Variants in SORD observed in about 807,000 individuals in gnomAD.
The protein encoded by SORD is sorbitol dehydrogenase, also known as (R,R)-butanediol dehydrogenase.
In SORD, 18 loss-of-function variants were observed where a neutral mutation model predicts 35.6. The ratio of observed to expected loss-of-function variants is 0.51; its 90% CI spans 0.35 to 0.75. The LOEUF (loss-of-function observed/expected upper bound fraction) is 0.75. Ranked by LOEUF, SORD falls within the 30% of genes least tolerant of loss-of-function variation. SORD has a pLI of 0.01. For missense variants in SORD, 250 were observed against 390.2 expected, an observed-to-expected ratio of 0.64 and a Z score of 3.03; for synonymous variants, 106 against 152.9, an observed-to-expected ratio of 0.69 and a Z score of 2.26.
intron 7 of SORD, chr15:45,070,719 G>A: frequency 6.6e-6 from 1 of 152,266 alleles, no homozygotes; most frequent in Non-Finnish European, 1.5e-5. Context: ...TAAGACATGA[G>A]TAGGTTGCAT....
At chr15:45,059,318 G>C (rs1271184757) in intron 3 of SORD, among the ~76,000 whole-genome samples, 1 of 151,502 alleles carries the variant, frequency 6.6e-6, no homozygotes, top group East Asian at 1.9e-4. Flanking sequence ...GTGACAGAGT[G>C]AGATCCTGTC....
chr15:45,068,135 G>C, intron 5 of SORD, 46 bp from the exon 6 acceptor site: 1 of 1,443,596 alleles, frequency 6.9e-7, no homozygotes, highest in Non-Finnish European at 9.8e-7. Flanking sequence ...TGGGAGAGCA[G>C]ATGTTTAATA....
At position 45,023,323 on chromosome 15, in the gene SORD, G is replaced by A. The variant is rs1377160960; in HGVS notation, c.40G>A (p.Val14Met). The A allele has an allele frequency of 6.3e-7, 1 of 1,591,262 alleles. No individual in the cohort carries two copies. Among genetic ancestry groups the A allele is most frequent in the South Asian group, 1.1e-5 (1 of 87,220 alleles). ...CAAGCCCAACAACCTTTCCCTGGTG[G>A]TGCACGGACCGGGGGACTTGCGCCT... ...AAKPNNLSLVVHGPGDLRLEN... is the reference protein window; with the variant it reads ...AAKPNNLSLVMHGPGDLRLEN... The change falls in exon 1 of 9, where the codon GTG becomes ATG. Residue 14 changes from valine to methionine, a missense_variant. Val to Met is a conservative substitution (Grantham distance 21). Coordinates refer to ENST00000267814, the MANE Select transcript of SORD (RefSeq NM_003104.6).
At chr15:45,026,894 T>C (rs75898226) in intron 1 of SORD, among the ~76,000 whole-genome samples, 27,274 of 143,176 alleles carry the variant, frequency 0.19, no homozygotes, top group African/African-American at 0.44. Context: ...TTACTTGTCC[T>C]TTAACTGGCA....
chr15:45,054,583 C>A (rs897379832), intron 3 of SORD, among the ~76,000 whole-genome samples: 3 of 152,024 alleles, frequency 2.0e-5, no homozygotes, highest in Admixed American at 6.6e-5. Context: ...AATTTTCTCC[C>A]ATTTTGTAGG....
chr15:45,051,782 G>A (rs1445170906), intron 3 of SORD, among the ~76,000 whole-genome samples: 2 of 152,128 alleles, frequency 1.3e-5, no homozygotes, highest in Non-Finnish European at 2.9e-5. Context: ...TTGATCATGA[G>A]GTGAGATTCT....
intron 1 of SORD, among the ~76,000 whole-genome samples, chr15:45,031,314 C>T (rs796389898): frequency 2.3e-5 from 2 of 86,296 alleles, no homozygotes; most frequent in Non-Finnish European, 3.6e-5. Flanking sequence ...TCTCTTAAAA[C>T]AACAACAACG....
At chr15:45,026,995 T>A (rs796522782) in intron 1 of SORD, among the ~76,000 whole-genome samples, 29,527 of 147,592 alleles carry the variant, frequency 0.2, no homozygotes, top group African/African-American at 0.44. Context: ...GAACAAAAAA[T>A]TAAACTCCTC....
rs188909230 is a variant in SORD, at chr15:45,037,269, C to G, written c.67-3139C>G. On this transcript the variant is annotated intron_variant, in intron 1 of 8. Coordinates refer to ENST00000267814, the MANE Select transcript of SORD (RefSeq NM_003104.6). The stretch of plus-strand genomic sequence containing the variant: ...AGCACCCTCTCGTGTCTGGGAGAGT[C>G]ACTGCAGCTTTGCTGTGTGGTACGA... Among the ~76,000 whole-genome samples the G allele has an allele frequency of 2.5e-3, 378 of 152,344 alleles. 3 individuals are homozygous for G. The highest frequency in any genetic ancestry group is 0.013 in the Admixed American group (199 of 15,304).
At chr15:45,045,330 G>A (rs963982671) in intron 3 of SORD, among the ~76,000 whole-genome samples, 16 of 152,090 alleles carry the variant, frequency 1.1e-4, no homozygotes, top group Admixed American at 2.6e-4. Context: ...TTGAGGTCAG[G>A]GGTTTGAGAC....
intron 3 of SORD, among the ~76,000 whole-genome samples, chr15:45,055,333 A>T (rs1295220800): frequency 1.3e-5 from 2 of 152,198 alleles, no homozygotes; most frequent in Non-Finnish European, 2.9e-5. Flanking sequence ...ACAGAAATAC[A>T]AACTACCATC....
intron 1 of SORD, among the ~76,000 whole-genome samples, chr15:45,026,474 C>A (rs1430558880): frequency 1.3e-5 from 2 of 152,102 alleles, no homozygotes; most frequent in South Asian, 4.1e-4. Flanking sequence ...TGATGTAAGA[C>A]CACCAGCCAC....
At chr15:45,068,073 T>G in intron 5 of SORD, 108 bp from the exon 6 acceptor site, 1 of 823,956 alleles carries the variant, frequency 1.2e-6, no homozygotes, top group Non-Finnish European at 2.1e-6. Context: ...GGCACTGGGA[T>G]AGATGCTAGA....
At chr15:45,049,868 GA>G (rs955452843) in intron 3 of SORD, among the ~76,000 whole-genome samples, 8 of 152,132 alleles carry the variant, frequency 5.3e-5, no homozygotes, top group Non-Finnish European at 1.2e-4. Context: ...GAATTTAATG[GA>G]CAAATGTATG....
At chr15:45,037,140 C>A (rs571887496) in intron 1 of SORD, among the ~76,000 whole-genome samples, 8 of 152,202 alleles carry the variant, frequency 5.3e-5, no homozygotes, top group East Asian at 3.9e-4. Context: ...TAGAATCAGC[C>A]AGAAAAAGAA....
At chr15:45,044,467 A>G (rs1239059904) in intron 3 of SORD, among the ~76,000 whole-genome samples, 1 of 151,162 alleles carries the variant, frequency 6.6e-6, no homozygotes, top group African/African-American at 2.4e-5. Context: ...AAATACCAGC[A>G]GTTAGACAGC....
intron 1 of SORD, among the ~76,000 whole-genome samples, chr15:45,024,486 T>C (rs1047627014): frequency 9.9e-5 from 15 of 152,132 alleles, no homozygotes; most frequent in Admixed American, 8.5e-4. Context: ...GAAAGTACCA[T>C]ACCCAAGGTG....
At position 45,037,698 on chromosome 15, in the gene SORD, G is replaced by A. The variant is rs144288613; in HGVS notation, c.67-2710G>A. ...CCATCCTTCTCAGCAAACTAACACA[G>A]GAACAGAAAACCAAATACCACATGT... is the stretch of plus-strand genomic sequence containing the variant. On this transcript the variant is annotated intron_variant, in intron 1 of 8. Coordinates refer to ENST00000267814, the MANE Select transcript of SORD (RefSeq NM_003104.6). Among the ~76,000 whole-genome samples, 976 of 152,134 alleles carry A rather than the reference G, an allele frequency of 6.4e-3. 13 individuals are homozygous for A. The highest frequency in any genetic ancestry group is 0.022 in the African/African-American group (932 of 41,474).
At chr15:45,068,561 C>A (rs1267939295) in intron 6 of SORD, among the ~76,000 whole-genome samples, 1 of 151,590 alleles carries the variant, frequency 6.6e-6, no homozygotes, top group Non-Finnish European at 1.5e-5. Flanking sequence ...GAAGAATGGT[C>A]TTGGGCCCCA....
Sources: allele counts gnomAD v4.1 joint callset (sites outside exome capture counted in the v4.1 genomes callset), GRCh38; gene constraint gnomAD v4.1.1; transcripts MANE v1.5; gene names NCBI Gene and HGNC (gene_info 2026-07-23, HGNC 2026-07-21).